The following ZNF721 variants were observed in gnomAD, a reference collection of about 807,000 sequenced individuals.
ZNF721 encodes zinc finger protein 721.
A neutral mutation model predicts 2.4 loss-of-function variants in ZNF721; 2 were observed. That is an observed-to-expected ratio of 0.82 (90% confidence interval 0.34 to 2.58). The LOEUF (loss-of-function observed/expected upper bound fraction) is 2.58, where lower values mean the gene tolerates loss of function less well. Ranked by LOEUF, ZNF721 falls within the 30% of genes most tolerant of loss-of-function variation. ZNF721 has a pLI of 0.11. For missense variants in ZNF721, 1,187 were observed against 1,085.5 expected (o/e 1.09, Z -1.31); for synonymous variants, 398 against 381.8 (o/e 1.04, Z -0.50).
At position 440,030 on chromosome 4, in the gene ZNF721, A is replaced by G; in HGVS notation, c.*1665T>C. 1 of 150,536 alleles carries G rather than the reference A, an allele frequency of 6.6e-6. No homozygotes were observed. Among genetic ancestry groups the G allele is most frequent in the East Asian group, 1.9e-4 (1 of 5,202 alleles). The allele number at this position is 150,536 out of a possible 1,614,324, so 9.3% of individuals were successfully genotyped here. On this transcript the variant is annotated 3_prime_UTR_variant, in exon 3 of 3. Transcript: ENST00000511833. ...TTTTTATTTCAAAAATTAAGTTCAC[A>G]CATTATCTTAAGAGAATTTTAAAAT...
intron 2 of ZNF721, among the ~76,000 whole-genome samples, chr4:456,751 C>T (rs1714861323): frequency 6.6e-6 from 1 of 152,090 alleles, no homozygotes. Flanking sequence ...TGGTAGCACA[C>T]GCCTGTAGTA....
At position 443,903 on chromosome 4, in the gene ZNF721, G is replaced by C. The variant is rs1553863778; in HGVS notation, c.564C>G (p.Asn188Lys). Residue 188 changes from asparagine to lysine, a missense_variant, in exon 3 of 3, where the codon AAC becomes AAG. Coordinates refer to ENST00000511833, the MANE Select transcript of ZNF721 (RefSeq NM_133474.4). Reference protein sequence around the residue: ...TNLTAHKRIHNREKAYTGEDR... With the variant: ...TNLTAHKRIHKREKAYTGEDR... ...CTTCACCTGTGTAAGCTTTCTCTCT[G>C]TTGTGAATTCTCTTATGTGCAGTAA... is the stretch of plus-strand genomic sequence containing the variant. 3.7e-6 allele frequency: 6 copies of C among 1,613,546 alleles called. 1 individual carries two copies. The highest frequency in any genetic ancestry group is 3.3e-5 in the South Asian group (3 of 91,046).
chr4:474,056 G>A, intron 1 of ZNF721: 1 of 1,464,726 alleles, frequency 6.8e-7, no homozygotes, highest in Non-Finnish European at 9.2e-7. Context: ...GAGCGATGGA[G>A]GCTGAGGCTC....
Position 444,385 on chromosome 4 carries a change from C to G in ZNF721, c.82G>C (p.Glu28Gln). 2 of 1,610,396 alleles carry G rather than the reference C, an allele frequency of 1.2e-6. No homozygotes were observed. Among genetic ancestry groups the G allele is most frequent in the Non-Finnish European group, 1.7e-6 (2 of 1,178,098 alleles). The change falls in exon 3 of 3, where the codon GAA becomes CAA. Residue 28 changes from glutamate (E) to glutamine (Q), a missense_variant. By Grantham distance (29) the Glu-to-Gln change is conservative. Coordinates refer to ENST00000511833, the MANE Select transcript of ZNF721 (RefSeq NM_133474.4). ...AGTATAAGTTTGTGGAATGAATCTT[C>G]TATCCCCTGCACTGGCAAAAAGTCT... ...TQDFLPVQGI[E>Q]DSFHKLILRR...
chr4:468,388 G>A (rs1222522157), intron 2 of ZNF721, among the ~76,000 whole-genome samples: 3 of 151,160 alleles, frequency 2.0e-5, no homozygotes, highest in Non-Finnish European at 4.4e-5. Context: ...CAAGTTCATG[G>A]CACTACACTC....
chr4:468,459 G>C (rs1430096788), intron 2 of ZNF721, among the ~76,000 whole-genome samples: 1 of 151,904 alleles, frequency 6.6e-6, no homozygotes, highest in African/African-American at 2.4e-5. Flanking sequence ...ACTGTTCCCA[G>C]GTAGTCAGTA....
Position 444,757 on chromosome 4 carries a change from C to T in ZNF721, c.35-325G>A, listed in dbSNP as rs543821973. On this transcript the variant is annotated intron_variant, in intron 2 of 2. Transcript: ENST00000511833. ...TATGCCATTAGAAGAAAGCTCTCAA[C>T]TCCTTTTTCCTTAAAAGAGAAGAAA... Among the ~76,000 whole-genome samples, 5 of 152,304 alleles carry T rather than the reference C, an allele frequency of 3.3e-5. No individual in the cohort carries two copies. The South Asian group carries it at 1.0e-3, about 32-fold the overall frequency.
At chr4:447,467 A>G (rs191569821) in intron 2 of ZNF721, among the ~76,000 whole-genome samples, 1 of 152,244 alleles carries the variant, frequency 6.6e-6, no homozygotes, top group Admixed American at 6.5e-5. Context: ...TCAAAAAGAC[A>G]CTAAGGAAGA....
chr4:456,431 G>C (rs1256247418), intron 2 of ZNF721, among the ~76,000 whole-genome samples: 1 of 152,160 alleles, frequency 6.6e-6, no homozygotes, highest in African/African-American at 2.4e-5. Context: ...ACATCACATA[G>C]ATAACTTTTA....
chr4:490,460 C>A lies in ZNF721; in HGVS notation c.-94+8596G>T, dbSNP rs1715992572. On this transcript the variant is annotated intron_variant, in intron 1 of 2. Transcript: ENST00000511833. ...CTCCAGCCTGGGCAACAGAGTGAGACCCGTCTCAAAAAAATAAAAATAAAA... is the reference window on the plus strand; with the variant it reads ...CTCCAGCCTGGGCAACAGAGTGAGAACCGTCTCAAAAAAATAAAAATAAAA... 2.7e-5 allele frequency among the ~76,000 whole-genome samples: 4 copies of A among 150,874 alleles called. No individual in the cohort carries two copies. In the South Asian group the frequency reaches 8.3e-4, roughly 31 times the overall value.
Position 491,999 on chromosome 4 carries a change from A to T in ZNF721, c.-94+7057T>A, listed in dbSNP as rs540831528. Among the ~76,000 whole-genome samples, 143 of 152,052 alleles carry T rather than the reference A, an allele frequency of 9.4e-4. 1 individual carries two copies. The highest frequency in any genetic ancestry group is 2.1e-3 in the African/African-American group (88 of 41,478). The stretch of plus-strand genomic sequence containing the variant: ...GAAACCCCATCTCTACTAAAAAAAA[A>T]AAAATACAAAAAATTAGTCGGGCGT... On this transcript the variant is annotated intron_variant, in intron 1 of 2. Transcript: ENST00000511833.
At chr4:461,601 G>A (rs1433924827) in intron 2 of ZNF721, among the ~76,000 whole-genome samples, 2 of 152,196 alleles carry the variant, frequency 1.3e-5, no homozygotes, top group African/African-American at 4.8e-5. Flanking sequence ...AGCCGGGTGT[G>A]GTGGCTCATG....
At chr4:497,709 A>G (rs1716259955) in intron 1 of ZNF721, among the ~76,000 whole-genome samples, 1 of 146,204 alleles carries the variant, frequency 6.8e-6, no homozygotes, top group South Asian at 2.2e-4. Context: ...TAACATGGTG[A>G]AACCCGTCAC....
At position 447,419 on chromosome 4, in the gene ZNF721, G is replaced by A. The variant is rs182169469; in HGVS notation, c.35-2987C>T. ...CAGAAAAAAGTATCTCTATAGATAC[G>A]CCAAAAAATAAGAAGTAAAGGTGTA... On this transcript the variant is annotated intron_variant, in intron 2 of 2. Coordinates refer to ENST00000511833, the MANE Select transcript of ZNF721 (RefSeq NM_133474.4). Among the ~76,000 whole-genome samples, 10 of 151,708 alleles carry A rather than the reference G, an allele frequency of 6.6e-5. No individual in the cohort carries two copies. In the East Asian group the frequency reaches 9.6e-4, roughly 15 times the overall value.
In ZNF721 at chr4:444,477, T is replaced by C. The variant is rs782249301; in HGVS notation, c.35-45A>G. On this transcript the variant is annotated intron_variant, in intron 2 of 2. Transcript: ENST00000511833. The stretch of plus-strand genomic sequence containing the variant: ...CAAATTATCCCAGTTACTAGATTCA[T>C]ATGCATATACTTTACAAATCATAAG... 1.7e-5 allele frequency: 25 copies of C among 1,498,430 alleles called. No individual in the cohort carries two copies. The African/African-American group carries it at 2.9e-4, about 18-fold the overall frequency. 92.8% of individuals were successfully genotyped at this position (1,498,430 alleles called of 1,614,324 possible).
Position 472,623 on chromosome 4 carries a change from A to C in ZNF721, c.-15T>G. 2 of 1,614,030 alleles carry C rather than the reference A, an allele frequency of 1.2e-6. No homozygotes were observed. Among genetic ancestry groups the C allele is most frequent in the Non-Finnish European group, 1.7e-6 (2 of 1,180,008 alleles). On this transcript the variant is annotated 5_prime_UTR_variant, in exon 2 of 3. It adds an upstream start codon to the 5' untranslated region. Coordinates refer to ENST00000511833, the MANE Select transcript of ZNF721 (RefSeq NM_133474.4). Reference sequence around the variant, plus strand: ...TTCTCCAACATCACATCTCTATACAAATTCTGCTGGGCAGGGTCCAGGCAT... The same window carrying C: ...TTCTCCAACATCACATCTCTATACACATTCTGCTGGGCAGGGTCCAGGCAT...
intron 2 of ZNF721, among the ~76,000 whole-genome samples, chr4:454,810 G>A (rs1462253555): frequency 2.6e-5 from 4 of 152,206 alleles, no homozygotes; most frequent in South Asian, 2.1e-4. Flanking sequence ...ATCCAGTGCC[G>A]TTTTGGAGAA....
At chr4:467,766 A>G (rs1576964305) in intron 2 of ZNF721, among the ~76,000 whole-genome samples, 1 of 152,162 alleles carries the variant, frequency 6.6e-6, no homozygotes, top group African/African-American at 2.4e-5. Context: ...CAGCCCTGTG[A>G]CTCAGTTCAA....
rs532247949 is a variant in ZNF721 at position 487,304 on chromosome 4, C to T, written c.-94+11752G>A. 5.9e-5 allele frequency among the ~76,000 whole-genome samples: 9 copies of T among 152,242 alleles called. No individual in the cohort carries two copies. The South Asian group carries it at 1.9e-3, about 32-fold the overall frequency. ...TTCTGTTATCTTTTTCAGAATTCTTCCATCTCTATGACAACAAGCCCATTT... is the reference window on the plus strand; with the variant it reads ...TTCTGTTATCTTTTTCAGAATTCTTTCATCTCTATGACAACAAGCCCATTT... On this transcript the variant is annotated intron_variant, in intron 1 of 2. Coordinates refer to ENST00000511833, the MANE Select transcript of ZNF721 (RefSeq NM_133474.4).
Sources: gnomAD v4.1 joint callset for allele counts (sites outside exome capture counted in the v4.1 genomes callset) on GRCh38, gnomAD v4.1.1 for gene constraint, MANE v1.5 for transcripts, NCBI Gene and HGNC (gene_info 2026-07-23, HGNC 2026-07-21) for gene names.